The following STAG2 variants were observed in gnomAD, a reference collection of about 807,000 sequenced individuals.
STAG2 encodes the protein STAG2 cohesin complex component.
STAG2 carries 14 observed loss-of-function variants against 108.1 expected under a neutral mutation model. The ratio of observed to expected loss-of-function variants is 0.13; its 90% CI spans 0.09 to 0.20. The LOEUF is 0.20. Among genes scored for constraint, STAG2 ranks in the 10% least tolerant of loss-of-function variants. The pLI is 1.00. For missense variants in STAG2, 440 were observed against 940.9 expected (o/e 0.47, Z 6.96); for synonymous variants, 307 against 302.7 (o/e 1.01, Z -0.15).
chrX:124,093,980 A>T, intron 32 of STAG2, 38 bp from the exon 33 acceptor site: 1 of 1,203,970 alleles, frequency 8.3e-7, no homozygotes, highest in South Asian at 1.8e-5. Context: ...TAGTCACGAC[A>T]TTAGTTCAGA....
chrX:124,048,942 T>C (rs1569512325), intron 9 of STAG2, 63 bp from the exon 10 acceptor site: 10 of 945,570 alleles, frequency 1.1e-5, no homozygotes, highest in Non-Finnish European at 1.5e-5. Context: ...TTGTAACAAC[T>C]TACAGGTGTT....
chrX:124,046,026 C>T lies in STAG2; in HGVS notation c.667+658C>T, dbSNP rs141756513. On this transcript the variant is annotated intron_variant, in intron 8 of 34. Transcript: ENST00000371145. Reference sequence around the variant, plus strand: ...TAATGAAATAAGGTATATTTTTATACCTCATAACATCTGTTAGTTCCTCTT... The same window carrying T: ...TAATGAAATAAGGTATATTTTTATATCTCATAACATCTGTTAGTTCCTCTT... Among the ~76,000 whole-genome samples the T allele has an allele frequency of 8.1e-5, 9 of 111,335 alleles. No homozygotes were observed. The East Asian group carries it at 2.5e-3, about 31-fold the overall frequency.
intron 25 of STAG2, among the ~76,000 whole-genome samples, chrX:124,076,088 T>C (rs779916242): frequency 6.0e-4 from 67 of 112,047 alleles, no homozygotes; most frequent in South Asian, 1.9e-3. Flanking sequence ...AAGTTTAGCC[T>C]GACTTCAGTA....
At chrX:124,022,767 G>A (rs1243532394) in intron 3 of STAG2, 96 bp downstream of exon 3, 2 of 532,112 alleles carry the variant, frequency 3.8e-6, no homozygotes, top group Non-Finnish European at 5.8e-6. Flanking sequence ...TGCTCGAGAA[G>A]ATCTAATATA....
chrX:124,056,238 A>G lies in STAG2; in HGVS notation c.1304+3A>G. 8.6e-7 allele frequency: 1 copy of G among 1,164,761 alleles called. No individual in the cohort carries two copies. Among genetic ancestry groups the G allele is most frequent in the Non-Finnish European group, 1.2e-6 (1 of 854,907 alleles). On this transcript the variant is annotated splice_donor_region_variant and intron_variant, in intron 14 of 34. Coordinates refer to ENST00000371145, the MANE Select transcript of STAG2 (RefSeq NM_001042750.2). The stretch of plus-strand genomic sequence containing the variant: ...GCTGGAGAATTTCTCTACAAAAAGT[A>G]AATCTATATATCTGTTACTCATTTT...
intron 1 of STAG2, among the ~76,000 whole-genome samples, chrX:123,973,681 C>T (rs892101281): frequency 2.4e-4 from 26 of 106,312 alleles, no homozygotes; most frequent in Non-Finnish European, 4.5e-4. Context: ...CCCATCTCTA[C>T]TAAAAATGCA....
At position 124,061,768 on chromosome X, in the gene STAG2, T is replaced by TTTTTGAAAAA; in HGVS notation, c.1535-3_1535-2insTTTTGAAAAA. On this transcript the variant is annotated splice_polypyrimidine_tract_variant and splice_region_variant and intron_variant, in intron 16 of 34. Transcript: ENST00000371145. ...CTTTTTTTTTTTTTTTTTTTTTTTTTAGCACTAACAGATAGGCAAGAGAGT... is the reference window on the plus strand; with the variant it reads ...CTTTTTTTTTTTTTTTTTTTTTTTTTTTTTGAAAAAAGCACTAACAGATAGGCAAGAGAGT... The TTTTTGAAAAA allele has an allele frequency of 1.1e-6, 1 of 895,486 alleles. No homozygotes were observed. Among genetic ancestry groups the TTTTTGAAAAA allele is most frequent in the Non-Finnish European group, 1.5e-6 (1 of 660,455 alleles). The allele number at this position is 895,486 out of a possible 1,213,427, so 73.8% of individuals were successfully genotyped here. A position where few individuals can be genotyped will look rare whatever the true frequency, so the allele number is the denominator to read the frequency against.
chrX:123,972,851 C>G (rs1405274316), intron 1 of STAG2, among the ~76,000 whole-genome samples: 11 of 76,638 alleles, frequency 1.4e-4, no homozygotes, highest in Admixed American at 1.6e-4. Context: ...AAACTCCCCC[C>G]CTCTACCAAA....
intron 5 of STAG2, among the ~76,000 whole-genome samples, chrX:124,033,990 G>T (rs1204520308): frequency 9.0e-6 from 1 of 111,116 alleles, no homozygotes; most frequent in Non-Finnish European, 1.9e-5. Context: ...GCCATCTATA[G>T]GCTCCACTTC....
intron 32 of STAG2, among the ~76,000 whole-genome samples, chrX:124,093,078 A>G (rs2059292814): frequency 9.0e-6 from 1 of 111,569 alleles, no homozygotes; most frequent in Non-Finnish European, 1.9e-5. Flanking sequence ...AAAGAAGGTA[A>G]TGTTGGCCAA....
intron 25 of STAG2, among the ~76,000 whole-genome samples, chrX:124,073,445 T>C (rs1418036760): frequency 9.0e-6 from 1 of 111,009 alleles, no homozygotes; most frequent in Non-Finnish European, 1.9e-5. Flanking sequence ...TGTGACAGGG[T>C]CTCACTGTGT....
Position 124,047,472 on chromosome X carries a change from G to C in STAG2, c.786G>C (p.Glu262Asp), listed in dbSNP as rs2148195898. 5.8e-6 allele frequency: 7 copies of C among 1,209,420 alleles called. No homozygotes were observed. The highest frequency in any genetic ancestry group is 7.8e-6 in the Non-Finnish European group (7 of 894,345). ...RNKMIGKRAN[E>D]RLELLLQKRK... ...AAATGATTGGAAAACGAGCCAATGAGAGGCTAGAACTCCTGCTACAAAAGC... is the reference window on the plus strand; with the variant it reads ...AAATGATTGGAAAACGAGCCAATGACAGGCTAGAACTCCTGCTACAAAAGC... The change falls in exon 9 of 35, where the codon GAG becomes GAC. Residue 262 changes from glutamate (E) to aspartate (D), a missense_variant. Glu to Asp is a conservative substitution (Grantham distance 45). Coordinates refer to ENST00000371145, the MANE Select transcript of STAG2 (RefSeq NM_001042750.2).
At chrX:124,044,327 A>C (rs962921838) in intron 7 of STAG2, among the ~76,000 whole-genome samples, 6 of 111,880 alleles carry the variant, frequency 5.4e-5, no homozygotes, top group Non-Finnish European at 9.4e-5. Flanking sequence ...AAATACCAAA[A>C]AAACTTTTTT....
intron 1 of STAG2, among the ~76,000 whole-genome samples, chrX:124,019,647 T>C (rs1220962331): frequency 4.5e-5 from 5 of 111,366 alleles, no homozygotes; most frequent in Non-Finnish European, 9.4e-5. Context: ...TAAAAATATA[T>C]GTACCTGGCT....
intron 6 of STAG2, among the ~76,000 whole-genome samples, chrX:124,041,784 T>C (rs2057728516): frequency 9.0e-6 from 1 of 111,700 alleles, no homozygotes; most frequent in Non-Finnish European, 1.9e-5. Context: ...CTACTTCTAA[T>C]GTGTACCTTT....
intron 17 of STAG2, among the ~76,000 whole-genome samples, chrX:124,062,416 CAA>C (rs969590715): frequency 8.9e-6 from 1 of 111,984 alleles, no homozygotes; most frequent in African/African-American, 3.2e-5. Context: ...AAAATTTTAT[CAA>C]AGACAATGTG....
intron 24 of STAG2, among the ~76,000 whole-genome samples, chrX:124,069,444 G>A (rs2058615555): frequency 9.0e-6 from 1 of 111,471 alleles, no homozygotes. Context: ...ATGATTTTTG[G>A]ACACTGTGAT....
At chrX:124,077,049 A>G (rs1173479085) in intron 26 of STAG2, among the ~76,000 whole-genome samples, 2 of 111,525 alleles carry the variant, frequency 1.8e-5, no homozygotes, top group Non-Finnish European at 3.8e-5. Flanking sequence ...ATGTGACTAA[A>G]TGTGGTAAGA....
chrX:123,972,917 C>G (rs1358766219), intron 1 of STAG2, among the ~76,000 whole-genome samples: 1 of 94,163 alleles, frequency 1.1e-5, no homozygotes, highest in Non-Finnish European at 2.1e-5. Flanking sequence ...GGCGTGGTGG[C>G]GCTCACCTGT....
Sources: gnomAD v4.1 joint callset for allele counts (sites outside exome capture counted in the v4.1 genomes callset) on GRCh38, gnomAD v4.1.1 for gene constraint, MANE v1.5 for transcripts, NCBI Gene and HGNC (gene_info 2026-07-23, HGNC 2026-07-21) for gene names.